SLC24A2: variants seen among roughly 807,000 people sequenced by gnomAD.
SLC24A2 encodes sodium/potassium/calcium exchanger 2.
SLC24A2 carries 36 observed loss-of-function variants against 62.0 expected under a neutral mutation model. The observed-to-expected ratio is 0.58, with a 90% CI of 0.44 to 0.77. SLC24A2 has a LOEUF of 0.77. SLC24A2 is among the 30% of genes least tolerant of loss of function. SLC24A2 has a pLI of 0.00. For missense variants in SLC24A2, 846 were observed against 817.9 expected (o/e 1.03, Z -0.42); for synonymous variants, 358 against 294.0 (o/e 1.22, Z -2.23).
Position 19,750,844 on chromosome 9 carries a change from T to C in SLC24A2, c.930+35093A>G, listed in dbSNP as rs191958843. Among the ~76,000 whole-genome samples, 13 of 152,228 alleles carry C rather than the reference T, an allele frequency of 8.5e-5. 1 individual carries two copies. The highest frequency in any genetic ancestry group is 3.1e-4 in the African/African-American group (13 of 41,550). On this transcript the variant is annotated intron_variant, in intron 2 of 10. Coordinates refer to ENST00000341998, the MANE Select transcript of SLC24A2 (RefSeq NM_020344.4). ...GTCTGCCATCTGATGCTCTTCCACA[T>C]CAAGATGACTTTGCACAGACAGTTC...
chr9:20,266,320 C>T, the SLC24A2 span, among the ~76,000 whole-genome samples: 1 of 152,130 alleles, frequency 6.6e-6, no homozygotes, highest in East Asian at 1.9e-4. Flanking sequence ...CTCTTTTGTA[C>T]TCTGTCCCTT....
At chr9:19,955,238 G>T in the SLC24A2 span, among the ~76,000 whole-genome samples, 5 of 152,158 alleles carry the variant, frequency 3.3e-5, no homozygotes, top group African/African-American at 1.2e-4. Context: ...GATTTAAAGA[G>T]ATAAAGTTAT....
At chr9:19,521,099 A>T in intron 9 of SLC24A2, 39 bp from the exon 10 acceptor site, 1 of 1,604,094 alleles carries the variant, frequency 6.2e-7, no homozygotes. Context: ...CAGTGTTTGA[A>T]GTTACAAAAT....
At chr9:19,542,741 T>C (rs901916539) in intron 8 of SLC24A2, among the ~76,000 whole-genome samples, 3 of 152,202 alleles carry the variant, frequency 2.0e-5, no homozygotes, top group Non-Finnish European at 4.4e-5. Flanking sequence ...ATTACATTTA[T>C]TGATTTGCAT....
intron 2 of SLC24A2, among the ~76,000 whole-genome samples, chr9:19,784,440 A>T (rs1183190489): frequency 6.6e-6 from 1 of 152,254 alleles, no homozygotes; most frequent in Non-Finnish European, 1.5e-5. Flanking sequence ...GAGTTCTCAA[A>T]GAGACTTTTC....
At chr9:19,571,103 C>T (rs930953411) in intron 7 of SLC24A2, among the ~76,000 whole-genome samples, 1 of 152,148 alleles carries the variant, frequency 6.6e-6, no homozygotes, top group African/African-American at 2.4e-5. Flanking sequence ...ATGAGGCTGC[C>T]CTCTGCACAC....
chr9:19,609,744 G>C (rs1837093455), intron 4 of SLC24A2, among the ~76,000 whole-genome samples: 1 of 152,132 alleles, frequency 6.6e-6, no homozygotes, highest in South Asian at 2.1e-4. Context: ...TTGACACCAG[G>C]GATTGGCTTT....
At chr9:20,188,431 A>G in the SLC24A2 span, among the ~76,000 whole-genome samples, 3 of 152,368 alleles carry the variant, frequency 2.0e-5, no homozygotes, top group South Asian at 2.1e-4. Flanking sequence ...AAGGTCCTGC[A>G]TGAGCAAATG....
intron 2 of SLC24A2, among the ~76,000 whole-genome samples, chr9:19,741,389 T>C (rs576968296): frequency 2.0e-5 from 3 of 152,320 alleles, no homozygotes; most frequent in African/African-American, 7.2e-5. Context: ...TTTTTTGGGA[T>C]TCGTCCCAGA....
the SLC24A2 span, among the ~76,000 whole-genome samples, chr9:19,820,115 T>C: frequency 7.0e-6 from 1 of 142,870 alleles, no homozygotes; most frequent in African/African-American, 2.7e-5. Context: ...TAAAAAGGAA[T>C]GAATTAACAG....
intron 2 of SLC24A2, among the ~76,000 whole-genome samples, chr9:19,745,126 A>G (rs1821794936): frequency 6.6e-6 from 1 of 151,988 alleles, no homozygotes; most frequent in Non-Finnish European, 1.5e-5. Context: ...TTCATGTGAG[A>G]TCTGGTCATT....
the SLC24A2 span, among the ~76,000 whole-genome samples, chr9:19,832,088 G>A: frequency 6.0e-3 from 917 of 152,252 alleles, 11 homozygotes; most frequent in African/African-American, 0.021. Flanking sequence ...TCTCACCCAG[G>A]CATTTCCAGA....
the SLC24A2 span, among the ~76,000 whole-genome samples, chr9:19,827,155 CA>C: frequency 6.6e-6 from 1 of 152,136 alleles, no homozygotes; most frequent in African/African-American, 2.4e-5. Context: ...AACACACACA[CA>C]AGGCTGAGAG....
At chr9:20,010,704 C>T in the SLC24A2 span, among the ~76,000 whole-genome samples, 11 of 151,844 alleles carry the variant, frequency 7.2e-5, 1 homozygote, top group Admixed American at 3.9e-4. Flanking sequence ...TGGTGTGCTG[C>T]ACGCGTTAAC....
chr9:20,090,826 G>A, the SLC24A2 span, among the ~76,000 whole-genome samples: 277 of 152,208 alleles, frequency 1.8e-3, 3 homozygotes, highest in African/African-American at 6.4e-3. Flanking sequence ...AACTGTACAA[G>A]TTCTCCAAAA....
the SLC24A2 span, among the ~76,000 whole-genome samples, chr9:19,902,002 T>C: frequency 6.6e-6 from 1 of 152,210 alleles, no homozygotes; most frequent in Non-Finnish European, 1.5e-5. Context: ...AAAAACCTTG[T>C]AGAAGTTAGA....
intron 2 of SLC24A2, among the ~76,000 whole-genome samples, chr9:19,710,345 G>A (rs1400830990): frequency 6.6e-6 from 1 of 152,130 alleles, no homozygotes; most frequent in African/African-American, 2.4e-5. Context: ...AGTGTCACAA[G>A]TGCCATGACA....
At chr9:19,744,791 C>G (rs1821784158) in intron 2 of SLC24A2, among the ~76,000 whole-genome samples, 1 of 152,168 alleles carries the variant, frequency 6.6e-6, no homozygotes. Context: ...TTTTACTCTG[C>G]TTCCCATTCA....
intron 4 of SLC24A2, among the ~76,000 whole-genome samples, chr9:19,603,363 G>A (rs1016527782): frequency 6.6e-6 from 1 of 152,136 alleles, no homozygotes; most frequent in Non-Finnish European, 1.5e-5. Context: ...CTTAGAAGTG[G>A]CAAAATATTC....
Sources: gnomAD v4.1 joint callset for allele counts (sites outside exome capture counted in the v4.1 genomes callset) on GRCh38, gnomAD v4.1.1 for gene constraint, MANE v1.5 for transcripts, NCBI Gene and HGNC (gene_info 2026-07-23, HGNC 2026-07-21) for gene names.